NRXN3: variants seen among roughly 807,000 people sequenced by gnomAD.
NRXN3 encodes the protein neurexin III.
Under a neutral mutation model 137.6 loss-of-function variants are expected in NRXN3, and 32 were observed. The observed-to-expected ratio is 0.23, with a 90% confidence interval of 0.18 to 0.31. The LOEUF (loss-of-function observed/expected upper bound fraction) is 0.31, where lower values mean the gene tolerates loss of function less well. NRXN3 is among the 10% of genes least tolerant of loss of function. NRXN3 has a pLI of 1.00. For missense variants in NRXN3, 1,574 were observed against 2,062.5 expected (o/e 0.76, Z 4.59); for synonymous variants, 798 against 784.5 (o/e 1.02, Z -0.29).
At chr14:79,256,110 C>A (rs1376862008) in intron 15 of NRXN3, among the ~76,000 whole-genome samples, 5 of 151,942 alleles carry the variant, frequency 3.3e-5, no homozygotes, top group African/African-American at 1.2e-4. Flanking sequence ...CTCTCTGTCT[C>A]TCTCCCTCTC....
At chr14:78,294,571 A>G (rs923131489) in intron 3 of NRXN3, among the ~76,000 whole-genome samples, 8 of 151,752 alleles carry the variant, frequency 5.3e-5, no homozygotes, top group Non-Finnish European at 8.8e-5. Context: ...AAAAAAAAAA[A>G]AAAAAAAAGA....
At chr14:78,400,760 C>A (rs977554634) in intron 4 of NRXN3, among the ~76,000 whole-genome samples, 1 of 152,096 alleles carries the variant, frequency 6.6e-6, no homozygotes, top group African/African-American at 2.4e-5. Context: ...TAAATGACTG[C>A]CTGGCTGGGT....
At chr14:78,253,492 A>C (rs1353388991) in intron 2 of NRXN3, among the ~76,000 whole-genome samples, 2 of 152,214 alleles carry the variant, frequency 1.3e-5, no homozygotes, top group Middle Eastern at 3.4e-3. Flanking sequence ...TGGGCAACAT[A>C]GCGAGACATC....
chr14:78,885,392 G>A (rs763861069), intron 10 of NRXN3, among the ~76,000 whole-genome samples: 2 of 151,828 alleles, frequency 1.3e-5, no homozygotes, highest in Non-Finnish European at 2.9e-5. Flanking sequence ...TGATTTAAAA[G>A]CCTTAGATTA....
intron 8 of NRXN3, chr14:78,744,388 C>A (rs2098597364): frequency 6.6e-6 from 1 of 152,220 alleles, no homozygotes; most frequent in Non-Finnish European, 1.5e-5. Flanking sequence ...CTCGGCCTTC[C>A]AAAGTGCTGG....
intron 4 of NRXN3, among the ~76,000 whole-genome samples, chr14:78,489,873 A>C (rs951347123): frequency 6.6e-6 from 1 of 151,738 alleles, no homozygotes; most frequent in African/African-American, 2.4e-5. Context: ...GCAGTTTCTA[A>C]GATGCCACTC....
At chr14:78,828,046 A>G (rs185555816) in intron 10 of NRXN3, among the ~76,000 whole-genome samples, 3 of 152,322 alleles carry the variant, frequency 2.0e-5, no homozygotes, top group Non-Finnish European at 4.4e-5. Flanking sequence ...GTGTTGGTTC[A>G]TGTCGCAATT....
At chr14:79,595,945 AT>A (rs1408899357) in intron 16 of NRXN3, among the ~76,000 whole-genome samples, 3 of 152,050 alleles carry the variant, frequency 2.0e-5, no homozygotes, top group Admixed American at 2.0e-4. Context: ...AAGGCTGAGG[AT>A]TTATTTATGA....
At chr14:79,489,359 G>A (rs2096689525) in intron 16 of NRXN3, among the ~76,000 whole-genome samples, 1 of 152,088 alleles carries the variant, frequency 6.6e-6, no homozygotes, top group South Asian at 2.1e-4. Flanking sequence ...GATTTATAAT[G>A]TGTTTCCTGT....
chr14:78,266,488 A>G (rs935680855), intron 2 of NRXN3, among the ~76,000 whole-genome samples: 6 of 152,074 alleles, frequency 3.9e-5, no homozygotes, highest in African/African-American at 7.2e-5. Context: ...TAGTAGAGAC[A>G]GGGTTTCACC....
rs560562869 is a variant in NRXN3, at chr14:79,478,018, G to T, written c.3444+10616G>T. Among the ~76,000 whole-genome samples, 3 of 152,018 alleles carry T rather than the reference G, an allele frequency of 2.0e-5. No homozygotes were observed. The South Asian group carries it at 6.2e-4, about 32-fold the overall frequency. On this transcript the variant is annotated intron_variant, in intron 16 of 20. Transcript: ENST00000335750. ...GCCAGGCTATTGAAATTTCCAATTGGAAATACATGATGAACTCAGAGGAGA... is the reference window on the plus strand; with the variant it reads ...GCCAGGCTATTGAAATTTCCAATTGTAAATACATGATGAACTCAGAGGAGA...
chr14:78,285,496 C>G (rs1309493184), intron 3 of NRXN3, among the ~76,000 whole-genome samples: 2 of 152,134 alleles, frequency 1.3e-5, no homozygotes, highest in Non-Finnish European at 2.9e-5. Flanking sequence ...TGATACAACC[C>G]AGTAAAAAGT....
chr14:79,257,376 G>GTAA (rs2076742781), intron 15 of NRXN3, among the ~76,000 whole-genome samples: 1 of 103,350 alleles, frequency 9.7e-6, no homozygotes, highest in Non-Finnish European at 2.0e-5. Context: ...GGTGGTGGTG[G>GTAA]TGGTGGTGGT....
intron 3 of NRXN3, among the ~76,000 whole-genome samples, chr14:78,290,255 C>T (rs897132132): frequency 4.6e-5 from 7 of 152,172 alleles, no homozygotes; most frequent in Non-Finnish European, 8.8e-5. Context: ...TCACTTTTGC[C>T]TGTTCTCATC....
intron 16 of NRXN3, among the ~76,000 whole-genome samples, chr14:79,617,711 T>A (rs72696774): frequency 0.031 from 4,763 of 152,098 alleles, 74 homozygotes; most frequent in Middle Eastern, 0.048. Context: ...GCGAAAGGGA[T>A]GTAGAAAGAG....
intron 15 of NRXN3, among the ~76,000 whole-genome samples, chr14:79,424,726 C>T (rs867150383): frequency 6.6e-6 from 1 of 152,124 alleles, no homozygotes; most frequent in South Asian, 2.1e-4. Flanking sequence ...TTTATTCTAG[C>T]AGCATCTTTC....
At position 79,633,013 on chromosome 14, in the gene NRXN3, G is replaced by A. The variant is rs550832112; in HGVS notation, c.3445-30765G>A. 5.3e-4 allele frequency among the ~76,000 whole-genome samples: 81 copies of A among 152,210 alleles called. 1 individual carries two copies. The highest frequency in any genetic ancestry group is 9.0e-4 in the Non-Finnish European group (61 of 68,012). On this transcript the variant is annotated intron_variant, in intron 16 of 20. Coordinates refer to ENST00000335750, the MANE Select transcript of NRXN3 (RefSeq NM_001330195.2). ...GTTATTACCATGATACTGCAAATAA[G>A]AAAACTGAGAAATAGAACATTCAAG...
intron 8 of NRXN3, among the ~76,000 whole-genome samples, chr14:78,726,976 A>C (rs2098487612): frequency 6.6e-6 from 1 of 151,390 alleles, no homozygotes; most frequent in African/African-American, 2.4e-5. Flanking sequence ...AAAAAAAAAA[A>C]AACCTTCACT....
intron 15 of NRXN3, among the ~76,000 whole-genome samples, chr14:79,002,563 G>A (rs150078446): frequency 8.9e-4 from 135 of 152,204 alleles, no homozygotes; most frequent in African/African-American, 3.2e-3. Context: ...CCTTTTTATG[G>A]CTGCATAGTA....
Sources: gnomAD v4.1 joint callset for allele counts (sites outside exome capture counted in the v4.1 genomes callset) on GRCh38, gnomAD v4.1.1 for gene constraint, MANE v1.5 for transcripts, NCBI Gene and HGNC (gene_info 2026-07-23, HGNC 2026-07-21) for gene names.